The following ZFP28 variants were observed in gnomAD, a reference collection of about 807,000 sequenced individuals.
ZFP28 encodes the protein zinc finger protein 28 homolog.
A neutral mutation model predicts 39.5 loss-of-function variants in ZFP28; 31 were observed. That is an observed-to-expected ratio of 0.79 (90% confidence interval 0.59 to 1.06). The LOEUF is 1.06. Among genes scored for constraint, ZFP28 ranks in the 50% least tolerant of loss-of-function variants. The pLI, the probability that ZFP28 is intolerant of heterozygous loss-of-function variation, is 0.00. For synonymous variants in ZFP28, 400 were observed against 378.6 expected, an observed-to-expected ratio of 1.06 and a Z score of -0.66; for missense variants, 925 against 1,048.4, an observed-to-expected ratio of 0.88 and a Z score of 1.63.
chr19:56,551,317 GT>G (rs1431101961), intron 7 of ZFP28: 2 of 986,506 alleles, frequency 2.0e-6, no homozygotes, highest in Non-Finnish European at 2.4e-6. Flanking sequence ...ATTGTTTACT[GT>G]TTGGCAAAAG....
intron 7 of ZFP28, 120 bp from the exon 8 acceptor site, chr19:56,553,564 T>C: frequency 7.7e-7 from 1 of 1,305,252 alleles, no homozygotes; most frequent in Non-Finnish European, 1.0e-6. Context: ...TTTTTAGAGC[T>C]GTAAAATGTA....
chr19:56,539,258 A>G (rs2044171502), intron 1 of ZFP28, 32 bp downstream of exon 1: 2 of 1,557,540 alleles, frequency 1.3e-6, no homozygotes, highest in Admixed American at 1.8e-5. Flanking sequence ...GGCCGAGCGG[A>G]CAGGGACGAA....
chr19:56,549,935 G>A (rs894322622), intron 5 of ZFP28, 132 bp from the exon 6 acceptor site: 7 of 635,860 alleles, frequency 1.1e-5, no homozygotes, highest in East Asian at 2.8e-5. Context: ...ATTTGACCTG[G>A]TGTACCAGAA....
intron 6 of ZFP28, 83 bp downstream of exon 6, chr19:56,550,264 A>AG: frequency 1.5e-6 from 2 of 1,339,510 alleles, no homozygotes; most frequent in Non-Finnish European, 2.1e-6. Flanking sequence ...TGGAGGAGGG[A>AG]GGGGGTGTCT....
At chr19:56,551,786 ATCT>A (rs1308219905) in intron 7 of ZFP28, 3 of 984,314 alleles carry the variant, frequency 3.0e-6, no homozygotes, top group Non-Finnish European at 3.6e-6. Flanking sequence ...TTTTTCTCTT[ATCT>A]TCTTGTAAAA....
intron 2 of ZFP28, among the ~76,000 whole-genome samples, chr19:56,540,531 G>T (rs988425169): frequency 5.3e-5 from 8 of 152,272 alleles, no homozygotes; most frequent in African/African-American, 1.9e-4. Context: ...TACCCAAACT[G>T]CTCTTGAGTG....
Position 56,554,094 on chromosome 19 carries a change from G to T in ZFP28, c.1309G>T (p.Val437Phe), listed in dbSNP as rs778756665. The change falls in exon 8 of 8, where the codon GTT (valine) becomes TTT (phenylalanine). Residue 437 changes from valine to phenylalanine, a missense_variant. Transcript: ENST00000301318. The surrounding 1 kb of genome is among the most constrained non-coding windows in gnomAD (Gnocchi z 6.7). ...TTTTACCCAGAGCTCATCTCTTACTGTTCATCAGAGAATTCACACTGGAGA... is the reference window on the plus strand; with the variant it reads ...TTTTACCCAGAGCTCATCTCTTACTTTTCATCAGAGAATTCACACTGGAGA... ...KTFTQSSSLT[V>F]HQRIHTGEKP... 1 of 1,614,186 alleles carries T rather than the reference G, an allele frequency of 6.2e-7. No homozygotes were observed. Among genetic ancestry groups the T allele is most frequent in the Non-Finnish European group, 8.5e-7 (1 of 1,180,022 alleles).
chr19:56,552,697 T>C (rs2044315423), intron 7 of ZFP28: 1 of 152,224 alleles, frequency 6.6e-6, no homozygotes, highest in Non-Finnish European at 1.5e-5. Flanking sequence ...ACGTACTTTG[T>C]TGATTTTTTC....
Position 56,555,964 on chromosome 19 carries a change from GCAT to G in ZFP28, c.*573_*575del. ...AATCAGAAAAATGCAAGATTTATATGCATGAAGTTAAAACAACTGACGTTACTC... is the reference window on the plus strand; with the variant it reads ...AATCAGAAAAATGCAAGATTTATATGGAAGTTAAAACAACTGACGTTACTC... On this transcript the variant is annotated 3_prime_UTR_variant, in exon 8 of 8. Coordinates refer to ENST00000301318, the MANE Select transcript of ZFP28 (RefSeq NM_020828.2). 1 of 152,350 alleles carries G rather than the reference GCAT, an allele frequency of 6.6e-6. No individual in the cohort carries two copies. The allele number at this position is 152,350 out of a possible 1,614,324, so 9.4% of individuals were successfully genotyped here.
At chr19:56,538,747 C>T (rs1433981395), upstream of ZFP28, among the ~76,000 whole-genome samples, 3 of 143,088 alleles carry the variant, frequency 2.1e-5, 1 homozygote, top group African/African-American at 5.1e-5. Context: ...AAGTGGGAAG[C>T]GCCGGGCTTC....
chr19:56,550,449 G>T, intron 6 of ZFP28, 61 bp from the exon 7 acceptor site: 1 of 1,403,844 alleles, frequency 7.1e-7, no homozygotes. Flanking sequence ...ACAAGGAAGT[G>T]GTTCTCAATT....
In ZFP28 at chr19:56,550,181, G is replaced by A. The variant is rs751514492; in HGVS notation, c.802G>A (p.Gly268Arg). ...WENNSDLGSA[G>R]HCVAKPDLVS... ...GAACAACAGTGACCTGGGATCAGCA[G>A]GTAAGGATGTCCCTCTCCCATATTT... Residue 268 changes from glycine to arginine, a missense_variant and splice_region_variant, in exon 6 of 8, where the codon GGA becomes AGA. Transcript: ENST00000301318. The A allele has an allele frequency of 8.1e-6, 13 of 1,605,340 alleles. No individual in the cohort carries two copies. The highest frequency in any genetic ancestry group is 1.1e-5 in the Non-Finnish European group (13 of 1,175,632).
At chr19:56,538,866 C>T, upstream of ZFP28, 1 of 309,194 alleles carries the variant, frequency 3.2e-6, no homozygotes, top group Admixed American at 2.2e-4. Context: ...GGGGCGCGGC[C>T]GGGGGCGGGG....
chr19:56,539,071 G>A lies in ZFP28; in HGVS notation c.53G>A (p.Arg18Lys), dbSNP rs1438791393. Reference protein sequence around the residue: ...SVREPTPLPGRGAPRTKPRAG... With the variant: ...SVREPTPLPGKGAPRTKPRAG... The stretch of plus-strand genomic sequence containing the variant: ...CGCGAGCCGACGCCGCTCCCGGGTA[G>A]AGGCGCCCCCCGCACAAAGCCCCGG... The change falls in exon 1 of 8, where the codon AGA becomes AAA. Residue 18 changes from arginine to lysine, a missense_variant. By Grantham distance (26) the Arg-to-Lys change is conservative (BLOSUM62 2). Around this residue, in one of 2 missense-constraint regions of ZFP28, gnomAD observed 556 missense variants for 542.9 expected, o/e 1.02. Transcript: ENST00000301318. The A allele has an allele frequency of 6.6e-6, 10 of 1,524,930 alleles. No individual in the cohort carries two copies. Among genetic ancestry groups the A allele is most frequent in the Non-Finnish European group, 8.8e-6 (10 of 1,140,926 alleles). 94.5% of individuals were successfully genotyped at this position (1,524,930 alleles called of 1,614,324 possible). A position where few individuals can be genotyped will look rare whatever the true frequency, so the allele number is the denominator to read the frequency against.
At chr19:56,539,294 G>T in intron 1 of ZFP28, 68 bp downstream of exon 1, 1 of 1,466,326 alleles carries the variant, frequency 6.8e-7, no homozygotes, top group East Asian at 2.5e-5. Context: ...GATCTGGGAG[G>T]GGGTTGGGCT....
At position 56,556,404 on chromosome 19, in the gene ZFP28, ATG is replaced by A. The variant is rs1420243309; in HGVS notation, c.*1019_*1020del. 3 of 152,154 alleles carry A rather than the reference ATG, an allele frequency of 2.0e-5. No homozygotes were observed. The highest frequency in any genetic ancestry group is 7.2e-5 in the African/African-American group (3 of 41,438). The allele number at this position is 152,154 out of a possible 1,614,324, so 9.4% of individuals were successfully genotyped here. A position where few individuals can be genotyped will look rare whatever the true frequency, so the allele number is the denominator to read the frequency against. On this transcript the variant is annotated 3_prime_UTR_variant, in exon 8 of 8. Transcript: ENST00000301318. ...TCTACTGTCTGATCCTACACAGAAA[ATG>A]TGTGTGATCCCTGCTATGGAGCAGA...
In ZFP28 at chr19:56,539,099, G is replaced by C; in HGVS notation, c.81G>C (p.Ala27=). The stretch of plus-strand genomic sequence containing the variant: ...GCGCCCCCCGCACAAAGCCCCGGGC[G>C]GGCCGAGGCCCGACTGTAGGGACTC... The part of the protein sequence containing the change: ...GRGAPRTKPR[A]GRGPTVGTPA... Residue 27 remains alanine, a synonymous_variant, in exon 1 of 8, where the codon GCG becomes GCC. Transcript: ENST00000301318. 1 of 1,548,428 alleles carries C rather than the reference G, an allele frequency of 6.5e-7. No individual in the cohort carries two copies. The highest frequency in any genetic ancestry group is 8.7e-7 in the Non-Finnish European group (1 of 1,153,094).
In ZFP28 at chr19:56,554,261, C is replaced by T. The variant is rs2044330080; in HGVS notation, c.1476C>T (p.Ile492=). 6.2e-7 allele frequency: 1 copy of T among 1,614,154 alleles called. No individual in the cohort carries two copies. Among genetic ancestry groups the T allele is most frequent in the Non-Finnish European group, 8.5e-7 (1 of 1,180,032 alleles). ...GKAFIQNTSL[I]RHWRYYHTGE... is the part of the protein sequence containing the mutation. ...CTTTCATACAGAACACATCCCTTAT[C>T]CGTCACTGGAGATACTATCATACTG... The change falls in exon 8 of 8, where the codon ATC becomes ATT. Residue 492 remains isoleucine (I), a synonymous_variant. Coordinates refer to ENST00000301318, the MANE Select transcript of ZFP28 (RefSeq NM_020828.2). This position sits in a 1 kb window ranked among gnomAD's most constrained non-coding sequence, Gnocchi z 6.7.
At chr19:56,543,045 AGTG>A in intron 2 of ZFP28, among the ~76,000 whole-genome samples, 1 of 152,312 alleles carries the variant, frequency 6.6e-6, no homozygotes, top group East Asian at 1.9e-4. Context: ...ATAGAACAGC[AGTG>A]GTGCCTCAAA....
Sources: allele counts gnomAD v4.1 joint callset (sites outside exome capture counted in the v4.1 genomes callset), GRCh38; gene constraint gnomAD v4.1.1; regional missense constraint gnomAD v4.1.1; non-coding constraint Gnocchi (gnomAD v3.1); transcripts MANE v1.5; gene names NCBI Gene and HGNC (gene_info 2026-07-23, HGNC 2026-07-21).